The following EPB41L4A variants were observed in gnomAD, a reference collection of about 807,000 sequenced individuals.
EPB41L4A encodes the protein erythrocyte membrane protein band 4.1 like 4A.
EPB41L4A carries 100 observed loss-of-function variants against 108.6 expected under a neutral mutation model. The ratio of observed to expected loss-of-function variants is 0.92; its 90% CI spans 0.78 to 1.09. EPB41L4A has a LOEUF of 1.09. Ranked by LOEUF, EPB41L4A falls within the 50% of genes least tolerant of loss-of-function variation. The pLI, the probability that EPB41L4A is intolerant of heterozygous loss-of-function variation, is 0.00. For missense variants in EPB41L4A, 1,030 were observed against 842.7 expected, an observed-to-expected ratio of 1.22 and a Z score of -2.75; for synonymous variants, 319 against 289.0, an observed-to-expected ratio of 1.10 and a Z score of -1.05.
chr5:112,159,064 A>T (rs1235518803), downstream of EPB41L4A, among the ~76,000 whole-genome samples: 1 of 152,174 alleles, frequency 6.6e-6, no homozygotes, highest in African/African-American at 2.4e-5. Context: ...TTCTTGTAAT[A>T]ATTATACATT....
chr5:112,321,926 T>A (rs1170468683), intron 1 of EPB41L4A, among the ~76,000 whole-genome samples: 1 of 152,222 alleles, frequency 6.6e-6, no homozygotes, highest in African/African-American at 2.4e-5. Flanking sequence ...TGAAAAAATT[T>A]CTTTAACCTG....
intron 1 of EPB41L4A, among the ~76,000 whole-genome samples, chr5:112,342,618 GAGCAGTC>G (rs1416157630): frequency 6.6e-6 from 1 of 152,166 alleles, no homozygotes; most frequent in Non-Finnish European, 1.5e-5. Flanking sequence ...AGTCGAGCAA[GAGCAGTC>G]AGCAGTCAGC....
At chr5:112,236,310 G>A (rs1372597889) in intron 11 of EPB41L4A, among the ~76,000 whole-genome samples, 1 of 152,178 alleles carries the variant, frequency 6.6e-6, no homozygotes, top group Non-Finnish European at 1.5e-5. Flanking sequence ...ACCTCCTGCT[G>A]GTCAGTATGG....
chr5:112,150,542 A>AGTTGGAAGATAAAGCTGAAGAAGAC (rs1561429072), intron 12 of EPB41L4A, among the ~76,000 whole-genome samples: 1 of 152,220 alleles, frequency 6.6e-6, no homozygotes, highest in Non-Finnish European at 1.5e-5. Flanking sequence ...AGAATTAGTG[A>AGTTGGAAGATAAAGCTGAAGAAGAC]GTTGGAAGAT....
At chr5:112,346,216 A>ATTTTTTTTTTTT (rs561328868) in intron 1 of EPB41L4A, among the ~76,000 whole-genome samples, 1,246 of 67,272 alleles carry the variant, frequency 0.019, 282 homozygotes, top group Non-Finnish European at 0.024. Context: ...GGTACATTGC[A>ATTTTTTTTTTTT]TTTTTTTTTT....
At chr5:112,386,399 T>C (rs988699044) in intron 1 of EPB41L4A, among the ~76,000 whole-genome samples, 1 of 152,246 alleles carries the variant, frequency 6.6e-6, no homozygotes, top group African/African-American at 2.4e-5. Context: ...TTGATTTCCA[T>C]ATATTTTAAA....
intron 1 of EPB41L4A, among the ~76,000 whole-genome samples, chr5:112,330,632 T>C (rs1326986717): frequency 3.3e-5 from 5 of 152,036 alleles, no homozygotes; most frequent in Admixed American, 6.6e-5. Context: ...CCCAATGCCT[T>C]AAACATGGTA....
intron 18 of EPB41L4A, among the ~76,000 whole-genome samples, chr5:112,181,434 G>C (rs34059842): frequency 1.3e-5 from 2 of 151,652 alleles, no homozygotes; most frequent in Non-Finnish European, 2.9e-5. Flanking sequence ...CTGGGCGACA[G>C]AGCGAGACTC....
intron 15 of EPB41L4A, 22 bp downstream of exon 15, chr5:112,204,353 A>C: frequency 1.3e-6 from 2 of 1,521,690 alleles, no homozygotes; most frequent in Non-Finnish European, 1.8e-6. Flanking sequence ...AGCTGCTAAC[A>C]GAGAGATTGT....
chr5:112,271,488 G>A (rs1398836967), intron 4 of EPB41L4A, among the ~76,000 whole-genome samples: 2 of 152,118 alleles, frequency 1.3e-5, no homozygotes, highest in African/African-American at 4.8e-5. Flanking sequence ...TGAAAAAACT[G>A]AGACTTTACA....
intron 1 of EPB41L4A, among the ~76,000 whole-genome samples, chr5:112,407,639 A>C (rs6878092): frequency 0.091 from 13,843 of 152,228 alleles, 2,025 homozygotes; most frequent in African/African-American, 0.31. Flanking sequence ...AAACCTATGC[A>C]AATACCCTTT....
Position 112,194,582 on chromosome 5 carries a change from C to G in EPB41L4A, c.1488G>C (p.Arg496=), listed in dbSNP as rs763150995. Residue 496 remains arginine, a synonymous_variant, in exon 17 of 23, where the codon CGG becomes CGC. Coordinates refer to ENST00000261486, the MANE Select transcript of EPB41L4A (RefSeq NM_022140.5). The stretch of plus-strand genomic sequence containing the variant: ...TGAGATATTACCTGTTTCTCTTTTT[C>G]CGGTATTCTCTATTAGAATTTTCTG... ...SESENSNREY[R]KKRNRIRQEN... is the part of the protein sequence containing the mutation. 1 of 1,593,016 alleles carries G rather than the reference C, an allele frequency of 6.3e-7. No homozygotes were observed. Among genetic ancestry groups the G allele is most frequent in the Non-Finnish European group, 8.6e-7 (1 of 1,165,244 alleles).
chr5:112,228,228 C>T (rs1748608042), intron 12 of EPB41L4A: 2 of 152,186 alleles, frequency 1.3e-5, no homozygotes, highest in African/African-American at 2.4e-5. Context: ...AAATTAATTG[C>T]TAGTATTTCA....
intron 1 of EPB41L4A, among the ~76,000 whole-genome samples, chr5:112,324,402 G>A (rs749017538): frequency 6.6e-6 from 1 of 152,118 alleles, no homozygotes; most frequent in Non-Finnish European, 1.5e-5. Flanking sequence ...GCAGAGGTCA[G>A]GAGTTTGAGA....
chr5:112,388,731 G>T (rs1258093647), intron 1 of EPB41L4A, among the ~76,000 whole-genome samples: 2 of 152,116 alleles, frequency 1.3e-5, no homozygotes, highest in Non-Finnish European at 2.9e-5. Flanking sequence ...TACATGCAGG[G>T]ATAGCTCAGG....
chr5:112,257,561 A>C (rs1049167579), intron 9 of EPB41L4A, among the ~76,000 whole-genome samples: 2 of 152,202 alleles, frequency 1.3e-5, no homozygotes, highest in African/African-American at 4.8e-5. Flanking sequence ...CCTAATCATG[A>C]AGTCCAAGAA....
At chr5:112,354,678 G>C (rs74380104) in intron 1 of EPB41L4A, among the ~76,000 whole-genome samples, 7,655 of 152,198 alleles carry the variant, frequency 0.05, 569 homozygotes, top group African/African-American at 0.16. Context: ...ATCCAGAAAA[G>C]ATTTTTCATG....
At chr5:112,314,147 C>T (rs1254887406) in intron 1 of EPB41L4A, among the ~76,000 whole-genome samples, 2 of 151,790 alleles carry the variant, frequency 1.3e-5, no homozygotes, top group African/African-American at 4.8e-5. Flanking sequence ...CATGAGCCAC[C>T]GCACCTGGCC....
intron 12 of EPB41L4A, chr5:112,228,854 C>A (rs987813949): frequency 6.6e-6 from 3 of 454,094 alleles, no homozygotes; most frequent in East Asian, 3.1e-4. Context: ...ATGCTGACCT[C>A]CTCTGGGTGG....
Sources: gnomAD v4.1 joint callset for allele counts (sites outside exome capture counted in the v4.1 genomes callset) on GRCh38, gnomAD v4.1.1 for gene constraint, MANE v1.5 for transcripts, NCBI Gene and HGNC (gene_info 2026-07-23, HGNC 2026-07-21) for gene names.